Variants in PPP1R12B observed in about 807,000 individuals in gnomAD.
PPP1R12B encodes the protein myosin phosphatase target subunit 2.
PPP1R12B carries 76 observed loss-of-function variants against 126.1 expected under a neutral mutation model. That is an observed-to-expected ratio of 0.60 (90% CI 0.50 to 0.73). PPP1R12B has a LOEUF of 0.73. Among genes scored for constraint, PPP1R12B ranks in the 30% least tolerant of loss-of-function variants. PPP1R12B has a pLI of 0.00. For synonymous variants in PPP1R12B, 356 were observed against 434.7 expected (o/e 0.82, Z 2.25); for missense variants, 1,052 against 1,205.1 (o/e 0.87, Z 1.88).
intron 13 of PPP1R12B, among the ~76,000 whole-genome samples, chr1:202,452,083 G>C (rs572990932): frequency 4.3e-4 from 65 of 152,030 alleles, no homozygotes; most frequent in African/African-American, 1.5e-3. Flanking sequence ...GCGGGGCAGA[G>C]GCGCTCCCCA....
chr1:202,485,120 G>A lies in PPP1R12B; in HGVS notation c.1851-3413G>A, dbSNP rs565095929. On this transcript the variant is annotated intron_variant, in intron 13 of 23. Coordinates refer to ENST00000608999, the MANE Select transcript of PPP1R12B (RefSeq NM_002481.4). ...CAGTGCAGGTATGTACCGGTGAGGG[G>A]ACTGGCCAGCAGTTAGGCAGTTTCC... Among the ~76,000 whole-genome samples the A allele has an allele frequency of 2.6e-5, 4 of 152,316 alleles. No homozygotes were observed. In the South Asian group the frequency reaches 6.2e-4, roughly 24 times the overall value.
At chr1:202,502,503 A>G (rs1680338935) in intron 18 of PPP1R12B, 2 of 968,580 alleles carry the variant, frequency 2.1e-6, no homozygotes, top group African/African-American at 3.5e-5. Flanking sequence ...TCTTAATTCA[A>G]CAAGTGCTTT....
chr1:202,371,596 A>C (rs1385320321), intron 1 of PPP1R12B, among the ~76,000 whole-genome samples: 1 of 152,038 alleles, frequency 6.6e-6, no homozygotes, highest in Non-Finnish European at 1.5e-5. Flanking sequence ...GTCCTTGGTC[A>C]GATAAATATA....
chr1:202,416,150 A>G (rs1361418744), intron 1 of PPP1R12B, among the ~76,000 whole-genome samples: 1 of 152,212 alleles, frequency 6.6e-6, no homozygotes, highest in Non-Finnish European at 1.5e-5. Context: ...CCTTTTTATA[A>G]TATAATGATG....
intron 19 of PPP1R12B, among the ~76,000 whole-genome samples, chr1:202,561,865 C>T (rs1344523234): frequency 6.6e-6 from 1 of 152,152 alleles, no homozygotes; most frequent in African/African-American, 2.4e-5. Flanking sequence ...TCAGCTTCCC[C>T]ACCCCCAGCT....
At chr1:202,505,315 C>CT (rs1482727132) in intron 18 of PPP1R12B, among the ~76,000 whole-genome samples, 90 of 152,350 alleles carry the variant, frequency 5.9e-4, no homozygotes, top group Non-Finnish European at 4.4e-5. Flanking sequence ...ATTTATGCTT[C>CT]TTTGCCAGTG....
intron 12 of PPP1R12B, among the ~76,000 whole-genome samples, chr1:202,443,710 T>C (rs1671903402): frequency 6.6e-6 from 1 of 152,234 alleles, no homozygotes. Context: ...TTATTCATTA[T>C]AGTTGAATCC....
At chr1:202,445,247 A>G (rs1572057552) in intron 12 of PPP1R12B, 3 of 1,241,932 alleles carry the variant, frequency 2.4e-6, no homozygotes, top group Non-Finnish European at 2.0e-6. Context: ...TCTTGAAGCC[A>G]TTTGAGTTGC....
At chr1:202,435,719 G>A (rs559706794) in intron 9 of PPP1R12B, among the ~76,000 whole-genome samples, 91 of 152,292 alleles carry the variant, frequency 6.0e-4, no homozygotes, top group African/African-American at 2.0e-3. Context: ...AAGCTCTGTG[G>A]TTATATAGGT....
At chr1:202,375,846 C>T (rs565012726) in intron 1 of PPP1R12B, among the ~76,000 whole-genome samples, 1 of 152,212 alleles carries the variant, frequency 6.6e-6, no homozygotes, top group Non-Finnish European at 1.5e-5. Flanking sequence ...CATCCCGCCC[C>T]CACTTTGTTT....
rs6693393 is a variant in PPP1R12B at position 202,452,946 on chromosome 1, C to T, written c.1850+3775C>T. Among the ~76,000 whole-genome samples the T allele has an allele frequency of 9.9e-3, 1,506 of 152,086 alleles. 25 individuals are homozygous for T. Among genetic ancestry groups the T allele is most frequent in the African/African-American group, 0.033 (1,376 of 41,482 alleles). ...CCTTCCGAAATGCTAAGATTACAGGCGTGAGCCACTGTGCCTGGCCTATTG... is the reference window on the plus strand; with the variant it reads ...CCTTCCGAAATGCTAAGATTACAGGTGTGAGCCACTGTGCCTGGCCTATTG... On this transcript the variant is annotated intron_variant, in intron 13 of 23. Transcript: ENST00000608999.
intron 1 of PPP1R12B, among the ~76,000 whole-genome samples, chr1:202,389,914 G>A (rs1162451430): frequency 4.2e-5 from 6 of 142,104 alleles, no homozygotes; most frequent in African/African-American, 1.1e-4. Flanking sequence ...GCGACAGAGC[G>A]GGACTCTGTC....
chr1:202,375,092 G>A (rs1660959709), intron 1 of PPP1R12B, among the ~76,000 whole-genome samples: 1 of 152,080 alleles, frequency 6.6e-6, no homozygotes, highest in South Asian at 2.1e-4. Flanking sequence ...ACAGGCATGT[G>A]CCACCACGCC....
intron 1 of PPP1R12B, among the ~76,000 whole-genome samples, chr1:202,350,231 T>C (rs994963557): frequency 2.0e-5 from 3 of 152,230 alleles, no homozygotes; most frequent in Non-Finnish European, 2.9e-5. Flanking sequence ...TCTTTCACCC[T>C]ATTTTGTACC....
At chr1:202,428,108 G>A (rs1669787222) in intron 5 of PPP1R12B, among the ~76,000 whole-genome samples, 4 of 151,784 alleles carry the variant, frequency 2.6e-5, no homozygotes, top group Admixed American at 6.6e-5. Context: ...GGTGTTTCTC[G>A]TTATGTGTCC....
At chr1:202,372,788 A>G (rs531693519) in intron 1 of PPP1R12B, among the ~76,000 whole-genome samples, 1 of 152,132 alleles carries the variant, frequency 6.6e-6, no homozygotes, top group African/African-American at 2.4e-5. Flanking sequence ...AAAAAAAAAT[A>G]AAAAAGTAAA....
chr1:202,540,079 A>G, intron 18 of PPP1R12B: 3 of 1,519,290 alleles, frequency 2.0e-6, no homozygotes, highest in Non-Finnish European at 2.7e-6. Flanking sequence ...CCTACAGGGA[A>G]ATTTCCCAGC....
intron 1 of PPP1R12B, among the ~76,000 whole-genome samples, chr1:202,358,493 T>C (rs1340359915): frequency 6.6e-6 from 1 of 152,136 alleles, no homozygotes; most frequent in Non-Finnish European, 1.5e-5. Flanking sequence ...CCATCCTGGC[T>C]AACACGGTGA....
At chr1:202,527,632 G>A (rs901089785) in intron 18 of PPP1R12B, among the ~76,000 whole-genome samples, 6 of 152,036 alleles carry the variant, frequency 3.9e-5, no homozygotes, top group South Asian at 2.1e-4. Flanking sequence ...GGAAGAAATG[G>A]CAAAACAAAG....
Sources: allele counts gnomAD v4.1 joint callset (sites outside exome capture counted in the v4.1 genomes callset), GRCh38; gene constraint gnomAD v4.1.1; transcripts MANE v1.5; gene names NCBI Gene and HGNC (gene_info 2026-07-23, HGNC 2026-07-21).